The following MACF1 variants were observed in gnomAD, a reference collection of about 807,000 sequenced individuals.
The protein encoded by MACF1 is microtubule-actin cross-linking factor 1.
A neutral mutation model predicts 854.8 loss-of-function variants in MACF1; 193 were observed. The observed-to-expected ratio is 0.23, with a 90% CI of 0.20 to 0.25. The LOEUF is 0.25. Among genes scored for constraint, MACF1 ranks in the 10% least tolerant of loss-of-function variants. The probability of loss-of-function intolerance (pLI) is 1.00; values close to 1 mark genes in which losing one functional copy is unlikely to be tolerated. For synonymous variants in MACF1, 3,185 were observed against 3,226.7 expected, an observed-to-expected ratio of 0.99 and a Z score of 0.44; for missense variants, 7,722 against 8,929.1, an observed-to-expected ratio of 0.86 and a Z score of 5.45.
intron 38 of MACF1, among the ~76,000 whole-genome samples, chr1:39,338,608 G>A (rs1270862942): frequency 6.6e-6 from 1 of 152,218 alleles, no homozygotes; most frequent in Non-Finnish European, 1.5e-5. Flanking sequence ...AAGGCTGGAT[G>A]TTCATTCTCT....
At chr1:39,265,782 C>A (rs1479191880) in intron 6 of MACF1, among the ~76,000 whole-genome samples, 8 of 152,240 alleles carry the variant, frequency 5.3e-5, no homozygotes, top group Middle Eastern at 3.4e-3. Flanking sequence ...ATCTTAGGAT[C>A]CCCCCGGGGG....
intron 79 of MACF1, 45 bp downstream of exon 79, chr1:39,443,619 C>G (rs775613228): frequency 1.3e-6 from 2 of 1,549,316 alleles, no homozygotes; most frequent in Admixed American, 2.1e-5. Flanking sequence ...CCCATATTCA[C>G]TAGCTCCTTT....
chr1:39,396,690 G>A (rs1642288056), intron 58 of MACF1, among the ~76,000 whole-genome samples: 1 of 152,208 alleles, frequency 6.6e-6, no homozygotes, highest in Non-Finnish European at 1.5e-5. Flanking sequence ...TAAGCTATGA[G>A]CTTCTAGGAA....
intron 15 of MACF1, among the ~76,000 whole-genome samples, chr1:39,288,936 C>T (rs1398724410): frequency 6.6e-6 from 1 of 152,180 alleles, no homozygotes; most frequent in Non-Finnish European, 1.5e-5. Context: ...TCCCGTAATA[C>T]TCTTCCCAGC....
chr1:39,316,338 C>T, intron 27 of MACF1, 53 bp from the exon 28 acceptor site: 1 of 1,513,994 alleles, frequency 6.6e-7, no homozygotes, highest in South Asian at 1.3e-5. Context: ...GGTATATAAC[C>T]CTGGCTCCTA....
intron 2 of MACF1, among the ~76,000 whole-genome samples, chr1:39,124,158 T>C (rs986153643): frequency 1.3e-5 from 2 of 151,500 alleles, no homozygotes; most frequent in Non-Finnish European, 2.9e-5. Context: ...AGTGCTAGGA[T>C]TACAGGCATG....
At position 39,283,581 on chromosome 1, in the gene MACF1, A is replaced by G; in HGVS notation, c.915+66A>G. ...CATTTGGGTGAAATGCATTGGTTAGACACTTTCTTAAGCACTTATGGTATA... is the reference window on the plus strand; with the variant it reads ...CATTTGGGTGAAATGCATTGGTTAGGCACTTTCTTAAGCACTTATGGTATA... On this transcript the variant is annotated intron_variant, in intron 9 of 100. Coordinates refer to ENST00000564288, the MANE Select transcript of MACF1 (RefSeq NM_001394062.1). This position sits in a 1 kb window ranked among gnomAD's most constrained non-coding sequence, Gnocchi z 4.5. 8.7e-7 allele frequency: 1 copy of G among 1,143,842 alleles called. No individual in the cohort carries two copies. Among genetic ancestry groups the G allele is most frequent in the Non-Finnish European group, 1.3e-6 (1 of 757,074 alleles). The allele number at this position is 1,143,842 out of a possible 1,614,324, so 70.9% of individuals were successfully genotyped here.
intron 2 of MACF1, among the ~76,000 whole-genome samples, chr1:39,236,575 C>A (rs939431097): frequency 1.3e-5 from 2 of 152,186 alleles, no homozygotes; most frequent in Non-Finnish European, 2.9e-5. Context: ...GCTATATTAT[C>A]ACTGGAGGGC....
chr1:39,105,398 G>C lies in MACF1; in HGVS notation c.220+20960G>C, dbSNP rs1642202455. ...AGCGGAGCCGAGGGGTGAGGACGCG[G>C]AAACGCGAGCCGGGACCGGCGGAGC... On this transcript the variant is annotated intron_variant, in intron 2 of 93. Coordinates refer to the MACF1 transcript ENST00000361689. The surrounding 1 kb of genome is among the most constrained non-coding windows in gnomAD (Gnocchi z 5.9). 1.0e-6 allele frequency: 1 copy of C among 987,144 alleles called. No individual in the cohort carries two copies. Among genetic ancestry groups the C allele is most frequent in the African/African-American group, 1.8e-5 (1 of 57,078 alleles). The allele number at this position is 987,144 out of a possible 1,614,324, so 61.1% of individuals were successfully genotyped here. A position where few individuals can be genotyped will look rare whatever the true frequency, so the allele number is the denominator to read the frequency against.
chr1:39,421,023 G>T (rs1195041595), intron 58 of MACF1, among the ~76,000 whole-genome samples: 1 of 151,948 alleles, frequency 6.6e-6, no homozygotes, highest in Non-Finnish European at 1.5e-5. Context: ...CCGCCACCAT[G>T]CCCGTCTAAT....
rs639536 is a variant in MACF1 at position 39,409,048 on chromosome 1, G to A, written c.15817-13326G>A. Among the ~76,000 whole-genome samples, 1 of 151,928 alleles carries A rather than the reference G, an allele frequency of 6.6e-6. No homozygotes were observed. The highest frequency in any genetic ancestry group is 1.5e-5 in the Non-Finnish European group (1 of 67,922). ...CGGCGCAGCGCGGCGGCGCGGGGAAGGGGGAGGAGAGCCGCCCGCCAGCCG... is the reference window on the plus strand; with the variant it reads ...CGGCGCAGCGCGGCGGCGCGGGGAAAGGGGAGGAGAGCCGCCCGCCAGCCG... On this transcript the variant is annotated intron_variant, in intron 58 of 100. Transcript: ENST00000564288. The surrounding 1 kb of genome is among the most constrained non-coding windows in gnomAD (Gnocchi z 4.2).
intron 2 of MACF1, among the ~76,000 whole-genome samples, chr1:39,168,621 C>T (rs957195033): frequency 1.5e-4 from 23 of 152,206 alleles, no homozygotes; most frequent in African/African-American, 5.5e-4. Flanking sequence ...GCGTGAGCCA[C>T]TGCGCCTGGC....
chr1:39,087,277 G>T (rs895739021), intron 2 of MACF1, among the ~76,000 whole-genome samples: 1 of 152,228 alleles, frequency 6.6e-6, no homozygotes, highest in Non-Finnish European at 1.5e-5. Context: ...CCAAGTGGGG[G>T]TGTCTGAATC....
chr1:39,134,951 C>T (rs112375519), intron 2 of MACF1, among the ~76,000 whole-genome samples: 1 of 152,292 alleles, frequency 6.6e-6, no homozygotes, highest in African/African-American at 2.4e-5. Flanking sequence ...CACCTTCCCC[C>T]TCCTTAGCCC....
chr1:39,105,867 C>T lies in MACF1; in HGVS notation c.220+21429C>T. 1 of 593,520 alleles carries T rather than the reference C, an allele frequency of 1.7e-6. No individual in the cohort carries two copies. The highest frequency in any genetic ancestry group is 2.1e-6 in the Non-Finnish European group (1 of 471,604). 36.8% of individuals were successfully genotyped at this position (593,520 alleles called of 1,614,324 possible). A position where few individuals can be genotyped will look rare whatever the true frequency, so the allele number is the denominator to read the frequency against. On this transcript the variant is annotated intron_variant, in intron 2 of 93. Transcript: ENST00000361689. The surrounding 1 kb of genome is among the most constrained non-coding windows in gnomAD (Gnocchi z 5.9). The stretch of plus-strand genomic sequence containing the variant: ...GCCCTGAGCTGCTGCTTCTCGGGGC[C>T]AGTTTATTTACAGAGTTGAGATAAG...
intron 47 of MACF1, among the ~76,000 whole-genome samples, chr1:39,360,054 C>CAT (rs1367838981): frequency 2.2e-4 from 9 of 41,236 alleles, no homozygotes; most frequent in Admixed American, 3.3e-4. Flanking sequence ...TATATATATA[C>CAT]ACACACACAC....
At position 39,322,589 on chromosome 1, in the gene MACF1, G is replaced by T. The variant is rs374364836; in HGVS notation, c.4030-19G>T. On this transcript the variant is annotated intron_variant, in intron 31 of 100. Transcript: ENST00000564288. Reference sequence around the variant, plus strand: ...TTATAAAACCCTGAGTAACTGTAGCGAAATTCATCCTTTCCTAGGACTATG... The same window carrying T: ...TTATAAAACCCTGAGTAACTGTAGCTAAATTCATCCTTTCCTAGGACTATG... 4.4e-6 allele frequency: 7 copies of T among 1,589,124 alleles called. No homozygotes were observed. The East Asian group carries it at 1.3e-4, about 30-fold the overall frequency.
Position 39,453,693 on chromosome 1 carries a change from T to G in MACF1, c.20743-14T>G. 6.2e-7 allele frequency: 1 copy of G among 1,613,428 alleles called. No individual in the cohort carries two copies. The highest frequency in any genetic ancestry group is 8.5e-7 in the Non-Finnish European group (1 of 1,179,344). ...GACTTTTTACGTTTTTGTTTTCAAA[T>G]CTTTTTTGTTTAGGAATTCATGAAG... On this transcript the variant is annotated splice_polypyrimidine_tract_variant and intron_variant, in intron 87 of 100. Transcript: ENST00000564288.
At chr1:39,276,248 T>C (rs1012274588) in intron 6 of MACF1, among the ~76,000 whole-genome samples, 1 of 152,036 alleles carries the variant, frequency 6.6e-6, no homozygotes, top group African/African-American at 2.4e-5. Context: ...GTTTTCAAGG[T>C]CTGATGCTTT....
Sources: allele counts gnomAD v4.1 joint callset (sites outside exome capture counted in the v4.1 genomes callset), GRCh38; gene constraint gnomAD v4.1.1; non-coding constraint Gnocchi (gnomAD v3.1); transcripts MANE v1.5; gene names NCBI Gene and HGNC (gene_info 2026-07-23, HGNC 2026-07-21).